Variants in SCIN observed in about 807,000 individuals in gnomAD.
SCIN encodes the protein adseverin.
SCIN carries 91 observed loss-of-function variants against 91.8 expected under a neutral mutation model. The observed-to-expected ratio is 0.99, with a 90% CI of 0.84 to 1.18. The LOEUF (loss-of-function observed/expected upper bound fraction) is 1.18, where lower values mean the gene tolerates loss of function less well. Among genes scored for constraint, SCIN ranks in the 50% most tolerant of loss-of-function variants. SCIN has a pLI of 0.00. For missense variants in SCIN, 1,087 were observed against 863.9 expected, an observed-to-expected ratio of 1.26 and a Z score of -3.24; for synonymous variants, 367 against 312.6, an observed-to-expected ratio of 1.17 and a Z score of -1.84.
chr7:12,650,502 G>A (rs1784058555), intron 14 of SCIN, among the ~76,000 whole-genome samples: 1 of 152,016 alleles, frequency 6.6e-6, no homozygotes, highest in East Asian at 1.9e-4. Context: ...TTAAAATCAT[G>A]CCTTTTATTT....
intron 4 of SCIN, among the ~76,000 whole-genome samples, chr7:12,607,117 A>G (rs1783094271): frequency 6.6e-6 from 1 of 152,230 alleles, no homozygotes; most frequent in African/African-American, 2.4e-5. Flanking sequence ...TACATTAACT[A>G]TCGGACATCA....
At chr7:12,583,747 C>T (rs1782533640) in intron 3 of SCIN, among the ~76,000 whole-genome samples, 1 of 152,244 alleles carries the variant, frequency 6.6e-6, no homozygotes. Flanking sequence ...ACTCTCTTCC[C>T]ATAGTCAACC....
In SCIN at chr7:12,651,708, C is replaced by T. The variant is rs573251612; in HGVS notation, c.1960-133C>T. On this transcript the variant is annotated intron_variant, in intron 14 of 15. Transcript: ENST00000297029. The surrounding 1 kb of genome is among the most constrained non-coding windows in gnomAD (Gnocchi z 5.9). The stretch of plus-strand genomic sequence containing the variant: ...GTGATGGTACCTCTCTGGGCCACCA[C>T]CTCCACGTCCCTAACTTCTGCGGAT... 8 of 600,716 alleles carry T rather than the reference C, an allele frequency of 1.3e-5. No homozygotes were observed. The South Asian group carries it at 1.8e-4, about 13-fold the overall frequency. The allele number at this position is 600,716 out of a possible 1,614,324, so 37.2% of individuals were successfully genotyped here. A position where few individuals can be genotyped will look rare whatever the true frequency, so the allele number is the denominator to read the frequency against.
intron 4 of SCIN, among the ~76,000 whole-genome samples, chr7:12,607,766 G>A (rs1198758483): frequency 1.3e-5 from 2 of 152,218 alleles, no homozygotes; most frequent in Non-Finnish European, 2.9e-5. Context: ...TTTTGGAAAT[G>A]TAGTTTTGTA....
In SCIN at chr7:12,578,992, C is replaced by T. The variant is rs1044979622; in HGVS notation, c.354+774C>T. Among the ~76,000 whole-genome samples, 4 of 148,644 alleles carry T rather than the reference C, an allele frequency of 2.7e-5. No homozygotes were observed. The East Asian group carries it at 5.9e-4, about 22-fold the overall frequency. ...CATTCCTGCCACTCACCCCTCCACA[C>T]GTGTTCAGTTAAAGTGTGAGGAATA... On this transcript the variant is annotated intron_variant, in intron 2 of 15. Coordinates refer to ENST00000297029, the MANE Select transcript of SCIN (RefSeq NM_001112706.3).
intron 8 of SCIN, among the ~76,000 whole-genome samples, chr7:12,627,105 C>CACAT (rs1562623595): frequency 6.6e-6 from 1 of 151,802 alleles, no homozygotes; most frequent in African/African-American, 2.4e-5. Context: ...CACACACACA[C>CACAT]ACACACACAT....
At chr7:12,575,850 A>G (rs966734116) in intron 1 of SCIN, among the ~76,000 whole-genome samples, 3 of 152,094 alleles carry the variant, frequency 2.0e-5, no homozygotes, top group Admixed American at 6.6e-5. Context: ...TCATGCTACA[A>G]CTGGATTTGA....
intron 6 of SCIN, 80 bp downstream of exon 6, chr7:12,625,222 A>T: frequency 7.8e-7 from 1 of 1,284,218 alleles, no homozygotes; most frequent in Non-Finnish European, 1.0e-6. Flanking sequence ...ATATTTTTTG[A>T]TTTTAAAAAA....
chr7:12,626,477 A>G, intron 7 of SCIN, 107 bp from the exon 8 acceptor site: 1 of 884,842 alleles, frequency 1.1e-6, no homozygotes, highest in Non-Finnish European at 1.7e-6. Flanking sequence ...TTGATAGCTA[A>G]ACCAGGATAA....
At chr7:12,613,549 G>C (rs1224631358) in intron 4 of SCIN, among the ~76,000 whole-genome samples, 1 of 152,014 alleles carries the variant, frequency 6.6e-6, no homozygotes. Flanking sequence ...ATTGGAAAGA[G>C]GTTCCTAAAA....
intron 1 of SCIN, among the ~76,000 whole-genome samples, chr7:12,576,090 C>T (rs1008891767): frequency 5.9e-5 from 9 of 152,102 alleles, no homozygotes; most frequent in African/African-American, 1.7e-4. Context: ...CAGGTAAGGA[C>T]GTTTATGTCA....
intron 8 of SCIN, among the ~76,000 whole-genome samples, chr7:12,627,594 A>G (rs1025768434): frequency 6.6e-6 from 1 of 152,228 alleles, no homozygotes; most frequent in Non-Finnish European, 1.5e-5. Flanking sequence ...TCAAGAAATT[A>G]GGGAAATAAT....
At chr7:12,580,918 A>T in intron 2 of SCIN, 142 bp from the exon 3 acceptor site, 1 of 681,798 alleles carries the variant, frequency 1.5e-6, no homozygotes, top group Non-Finnish European at 2.4e-6. Flanking sequence ...GTTTTATGGA[A>T]TAGGTGGCTA....
chr7:12,606,633 A>G (rs962796457), intron 4 of SCIN, among the ~76,000 whole-genome samples: 8 of 151,762 alleles, frequency 5.3e-5, no homozygotes, highest in Middle Eastern at 6.8e-3. Context: ...TTATACTAAC[A>G]TATAATATGT....
At chr7:12,602,682 A>G (rs933917546) in intron 3 of SCIN, among the ~76,000 whole-genome samples, 5 of 152,182 alleles carry the variant, frequency 3.3e-5, no homozygotes, top group Non-Finnish European at 7.3e-5. Flanking sequence ...TTGCACGTCC[A>G]TTTATAGACT....
intron 4 of SCIN, among the ~76,000 whole-genome samples, chr7:12,605,192 C>T (rs771950458): frequency 1.6e-4 from 24 of 152,094 alleles, no homozygotes; most frequent in Non-Finnish European, 2.2e-4. Flanking sequence ...GCTGGGACTA[C>T]AGGCGCCCAC....
At chr7:12,578,018 C>G in intron 1 of SCIN, 46 bp from the exon 2 acceptor site, 1 of 1,475,172 alleles carries the variant, frequency 6.8e-7, no homozygotes, top group Non-Finnish European at 9.0e-7. Flanking sequence ...CTGCCTTAAT[C>G]CTTTCTCTTG....
intron 1 of SCIN, among the ~76,000 whole-genome samples, chr7:12,574,470 A>T (rs1452140845): frequency 1.3e-5 from 2 of 152,152 alleles, no homozygotes; most frequent in Non-Finnish European, 2.9e-5. Context: ...CTTGATTGTG[A>T]TAGCAGATGT....
In SCIN at chr7:12,640,324, T is replaced by C. The variant is rs200978727; in HGVS notation, c.1411-23T>C. The stretch of plus-strand genomic sequence containing the variant: ...CACAGCACTCTTAATTATATTTCTT[T>C]TATTCCCCCTCTCCCCCATCAGATC... On this transcript the variant is annotated intron_variant, in intron 10 of 15. Transcript: ENST00000297029. The C allele has an allele frequency of 5.5e-3, 8,455 of 1,531,026 alleles. 36 individuals are homozygous for C. Among genetic ancestry groups the C allele is most frequent in the Non-Finnish European group, 6.4e-3 (7,311 of 1,142,282 alleles). The allele number at this position is 1,531,026 out of a possible 1,614,324, so 94.8% of individuals were successfully genotyped here. A position where few individuals can be genotyped will look rare whatever the true frequency, so the allele number is the denominator to read the frequency against.
Sources: allele counts gnomAD v4.1 joint callset (sites outside exome capture counted in the v4.1 genomes callset), GRCh38; gene constraint gnomAD v4.1.1; non-coding constraint Gnocchi (gnomAD v3.1); transcripts MANE v1.5; gene names NCBI Gene and HGNC (gene_info 2026-07-23, HGNC 2026-07-21).